The following RELL1 variants were observed in gnomAD, a reference collection of about 807,000 sequenced individuals.
RELL1 encodes the protein RELT like 1, also known as RELT-like protein 1.
Under a neutral mutation model 23.0 loss-of-function variants are expected in RELL1, and 10 were observed. That is an observed-to-expected ratio of 0.43 (90% CI 0.27 to 0.74). The LOEUF is 0.74. Among genes scored for constraint, RELL1 ranks in the 30% least tolerant of loss-of-function variants. RELL1 has a pLI of 0.19. For missense variants in RELL1, 315 were observed against 364.4 expected, an observed-to-expected ratio of 0.86 and a Z score of 1.10; for synonymous variants, 146 against 146.8, an observed-to-expected ratio of 0.99 and a Z score of 0.04.
At chr4:37,640,214 A>G (rs1156885638) in intron 3 of RELL1, among the ~76,000 whole-genome samples, 4 of 152,190 alleles carry the variant, frequency 2.6e-5, no homozygotes, top group African/African-American at 9.7e-5. Context: ...GAAATACTTT[A>G]CCCTTCACAA....
rs367680453 is a variant in RELL1 at position 37,668,201 on chromosome 4, ACCCCCT to A, written c.88+17993_88+17998del. ...AGGAGGTATGCACAGAAAAAAAGGA[ACCCCCT>A]CCCCCTCCCCCTCCCCCTCTCCCTC... On this transcript the variant is annotated intron_variant, in intron 1 of 6. Coordinates refer to ENST00000454158, the MANE Select transcript of RELL1 (RefSeq NM_001085400.2). Among the ~76,000 whole-genome samples the A allele has an allele frequency of 2.1e-3, 299 of 143,990 alleles. 1 individual carries two copies. The highest frequency in any genetic ancestry group is 0.017 in the East Asian group (81 of 4,796). 94.5% of individuals were successfully genotyped at this position (143,990 alleles called of 152,430 possible). A position where few individuals can be genotyped will look rare whatever the true frequency, so the allele number is the denominator to read the frequency against.
Position 37,602,592 on chromosome 4 carries a change from T to G in RELL1, c.*4-11375A>C, listed in dbSNP as rs1379056513. Among the ~76,000 whole-genome samples the G allele has an allele frequency of 2.0e-5, 3 of 152,046 alleles. No homozygotes were observed. The South Asian group carries it at 6.2e-4, about 32-fold the overall frequency. On this transcript the variant is annotated intron_variant, in intron 6 of 6. Coordinates refer to the RELL1 transcript ENST00000314117. ...ATCAGCCGTGGGGGATGGACGCATG[T>G]AGACCCTTCACCAAGTTACCAAACA...
chr4:37,666,816 AT>A (rs1268548759), intron 1 of RELL1, among the ~76,000 whole-genome samples: 1 of 152,192 alleles, frequency 6.6e-6, no homozygotes, highest in African/African-American at 2.4e-5. Flanking sequence ...GAAGCAGATA[AT>A]GACTAAACAG....
intron 6 of RELL1, among the ~76,000 whole-genome samples, chr4:37,604,162 A>G (rs926562493): frequency 6.6e-6 from 1 of 152,048 alleles, no homozygotes; most frequent in African/African-American, 2.4e-5. Flanking sequence ...GTCCGTCACC[A>G]TGGGGAACAG....
chr4:37,626,685 T>C (rs1719961012), intron 6 of RELL1, among the ~76,000 whole-genome samples: 1 of 152,120 alleles, frequency 6.6e-6, no homozygotes, highest in African/African-American at 2.4e-5. Flanking sequence ...AGATACATAA[T>C]GAAACACTGT....
At position 37,685,339 on chromosome 4, in the gene RELL1, G is replaced by GT. The variant is rs150944232; in HGVS notation, c.88+860dup. ...TAACCCCAAATGGCCAAGTAAGTAT[G>GT]TTTTTTTTTTAACTGCAGCTGTTAG... On this transcript the variant is annotated intron_variant, in intron 1 of 6. Coordinates refer to ENST00000454158, the MANE Select transcript of RELL1 (RefSeq NM_001085400.2). Among the ~76,000 whole-genome samples, 658 of 149,816 alleles carry GT rather than the reference G, an allele frequency of 4.4e-3. 1 individual carries two copies. Among genetic ancestry groups the GT allele is most frequent in the African/African-American group, 0.015 (598 of 40,922 alleles).
chr4:37,675,537 C>T (rs1270057189), intron 1 of RELL1, among the ~76,000 whole-genome samples: 4 of 152,178 alleles, frequency 2.6e-5, no homozygotes, highest in African/African-American at 9.7e-5. Context: ...GCTCAGCTGC[C>T]TCAAGAAGCT....
chr4:37,621,756 C>A (rs1166570033), intron 6 of RELL1, among the ~76,000 whole-genome samples: 10 of 152,086 alleles, frequency 6.6e-5, no homozygotes. Context: ...AGGAAGGGGC[C>A]CTGGGGCAGG....
At chr4:37,604,810 G>GAGAC (rs1719117406) in intron 6 of RELL1, among the ~76,000 whole-genome samples, 4 of 73,598 alleles carry the variant, frequency 5.4e-5, no homozygotes, top group African/African-American at 2.7e-4. Flanking sequence ...CACACACACA[G>GAGAC]ACACACACAC....
intron 6 of RELL1, among the ~76,000 whole-genome samples, chr4:37,629,123 G>A (rs1720043554): frequency 6.6e-6 from 1 of 152,200 alleles, no homozygotes; most frequent in African/African-American, 2.4e-5. Context: ...TCGAGGGCAA[G>A]CCAGGTCTTC....
intron 1 of RELL1, among the ~76,000 whole-genome samples, chr4:37,662,155 C>T (rs1277055252): frequency 6.6e-6 from 1 of 152,172 alleles, no homozygotes; most frequent in Non-Finnish European, 1.5e-5. Context: ...CAGACAACTT[C>T]CCCAATAAAA....
intron 6 of RELL1, 55 bp downstream of exon 6, chr4:37,631,330 C>G (rs949497479): frequency 1.3e-6 from 2 of 1,544,910 alleles, no homozygotes; most frequent in East Asian, 4.7e-5. Flanking sequence ...GCTCCAAGTA[C>G]CTTCTCCTCA....
At chr4:37,644,462 A>ATTTATTTG (rs1308578146) in intron 3 of RELL1, among the ~76,000 whole-genome samples, 2 of 148,892 alleles carry the variant, frequency 1.3e-5, no homozygotes, top group African/African-American at 4.9e-5. Flanking sequence ...TTATTTATTT[A>ATTTATTTG]TTTATTTATT....
chr4:37,677,712 TG>T (rs1722064943), intron 1 of RELL1, among the ~76,000 whole-genome samples: 1 of 152,202 alleles, frequency 6.6e-6, no homozygotes, highest in Non-Finnish European at 1.5e-5. Context: ...GGCTCACGCC[TG>T]TAATCCCAAC....
At chr4:37,674,422 C>T (rs1721948154) in intron 1 of RELL1, among the ~76,000 whole-genome samples, 1 of 152,224 alleles carries the variant, frequency 6.6e-6, no homozygotes, top group South Asian at 2.1e-4. Context: ...CTTCTTGGCT[C>T]TATCACATAG....
Position 37,647,404 on chromosome 4 carries a change from C to T in RELL1, c.349G>A (p.Val117Ile). The stretch of plus-strand genomic sequence containing the variant: ...ATGATGTAGTGGACGATTTGCCCAA[C>T]AGTGTCACTGTTTTCATTCACACTG... ...NDSVNENSDT[V>I]GQIVHYIMKN... Residue 117 changes from valine to isoleucine, a missense_variant, in exon 3 of 7, where the codon GTT (valine) becomes ATT (isoleucine). Physicochemically the swap from Val to Ile is conservative, Grantham distance 29. Coordinates refer to ENST00000454158, the MANE Select transcript of RELL1 (RefSeq NM_001085400.2). 1 of 1,613,538 alleles carries T rather than the reference C, an allele frequency of 6.2e-7. No individual in the cohort carries two copies. Among genetic ancestry groups the T allele is most frequent in the South Asian group, 1.1e-5 (1 of 91,024 alleles).
intron 6 of RELL1, among the ~76,000 whole-genome samples, chr4:37,601,556 G>A (rs562651127): frequency 1.3e-5 from 2 of 152,318 alleles, no homozygotes; most frequent in South Asian, 4.1e-4. Context: ...AATGAGCCCT[G>A]TGCCAATCCA....
chr4:37,686,161 G>C, intron 1 of RELL1, 39 bp downstream of exon 1: 1 of 1,523,744 alleles, frequency 6.6e-7, no homozygotes, highest in Non-Finnish European at 8.8e-7. Context: ...CCGGGACCGG[G>C]CTCAGCACCC....
At chr4:37,608,646 ATT>A (rs35471488), downstream of RELL1, among the ~76,000 whole-genome samples, 18 of 142,130 alleles carry the variant, frequency 1.3e-4, no homozygotes, top group Admixed American at 2.1e-4. Context: ...TTTAAATTTA[ATT>A]TTTTTTTTTT....
Sources: gnomAD v4.1 joint callset for allele counts (sites outside exome capture counted in the v4.1 genomes callset) on GRCh38, gnomAD v4.1.1 for gene constraint, MANE v1.5 for transcripts, NCBI Gene and HGNC (gene_info 2026-07-23, HGNC 2026-07-21) for gene names.